The following POU2AF3 variants were observed in gnomAD, a reference collection of about 807,000 sequenced individuals.
The protein encoded by POU2AF3 is POU class 2 homeobox associating factor 3.
At chr11:111,298,827 C>CCCGCG in the POU2AF3 span, 2 of 631,568 alleles carry the variant, frequency 3.2e-6, no homozygotes, top group Non-Finnish European at 4.5e-6. Context: ...GTACCCCAGG[C>CCCGCG]CCCCGCCCGC....
the POU2AF3 span, chr11:111,308,168 T>C: frequency 6.4e-7 from 1 of 1,551,610 alleles, no homozygotes; most frequent in Admixed American, 2.0e-5. Context: ...GAATTACAAT[T>C]CCCCTGCTTC....
the POU2AF3 span, chr11:111,298,827 C>CCGGGGCG: frequency 3.2e-6 from 2 of 631,568 alleles, no homozygotes; most frequent in African/African-American, 1.9e-5. Context: ...GTACCCCAGG[C>CCGGGGCG]CCCCGCCCGC....
the POU2AF3 span, chr11:111,298,826 G>GCGGGCCC: frequency 1.3e-6 from 1 of 790,962 alleles, no homozygotes; most frequent in Non-Finnish European, 1.7e-6. Context: ...CGTACCCCAG[G>GCGGGCCC]CCCCCGCCCG....
chr11:111,298,826 G>GCGGGGGGGGGGC, the POU2AF3 span: 31 of 790,960 alleles, frequency 3.9e-5, no homozygotes, highest in Non-Finnish European at 4.9e-5. Context: ...CGTACCCCAG[G>GCGGGGGGGGGGC]CCCCCGCCCG....
chr11:111,303,557 G>C, the POU2AF3 span, among the ~76,000 whole-genome samples: 1,058 of 152,224 alleles, frequency 7.0e-3, 9 homozygotes, highest in African/African-American at 0.024. Context: ...GCCAATCCGG[G>C]GGAGGAATGG....
At chr11:111,299,972 A>G in the POU2AF3 span, 1 of 399,520 alleles carries the variant, frequency 2.5e-6, no homozygotes, top group South Asian at 1.3e-4. Context: ...TTCCAGACCA[A>G]GGGCACGCAG....
At chr11:111,298,818 T>C in the POU2AF3 span, 1 of 1,116,318 alleles carries the variant, frequency 9.0e-7, no homozygotes, top group African/African-American at 1.6e-5. Context: ...GACGTCCGCG[T>C]ACCCCAGGCC....
chr11:111,303,735 G>C, the POU2AF3 span, among the ~76,000 whole-genome samples: 1 of 152,168 alleles, frequency 6.6e-6, no homozygotes, highest in East Asian at 1.9e-4. Context: ...ACTGCCTCCT[G>C]TTTCAGCAGT....
At chr11:111,308,452 A>T in the POU2AF3 span, 4 of 1,531,794 alleles carry the variant, frequency 2.6e-6, no homozygotes, top group South Asian at 5.0e-5. Flanking sequence ...AATTACAGTA[A>T]TTCAGAACAT....
At chr11:111,302,379 A>T in the POU2AF3 span, among the ~76,000 whole-genome samples, 4 of 152,202 alleles carry the variant, frequency 2.6e-5, no homozygotes, top group South Asian at 6.2e-4. Context: ...GGAGAAAAAC[A>T]TCATCAAGAC....
At chr11:111,303,338 T>A in the POU2AF3 span, among the ~76,000 whole-genome samples, 6 of 152,254 alleles carry the variant, frequency 3.9e-5, no homozygotes, top group African/African-American at 1.4e-4. Flanking sequence ...TTTCTTTTTT[T>A]AAATCATTAA....
chr11:111,303,098 A>ATG, the POU2AF3 span, among the ~76,000 whole-genome samples: 1 of 152,252 alleles, frequency 6.6e-6, no homozygotes, highest in Non-Finnish European at 1.5e-5. Flanking sequence ...GCAATCACGA[A>ATG]TGGAAGTTAT....
chr11:111,298,843 C>CCCCCAG, the POU2AF3 span: 1 of 1,187,162 alleles, frequency 8.4e-7, no homozygotes, highest in Non-Finnish European at 1.0e-6. Flanking sequence ...CCCGCCCTCC[C>CCCCCAG]ACGTATCCAC....
At chr11:111,298,833 C>G in the POU2AF3 span, 4 of 538,460 alleles carry the variant, frequency 7.4e-6, no homozygotes, top group Non-Finnish European at 1.1e-5. Flanking sequence ...CAGGCCCCCG[C>G]CCGCCCTCCC....
the POU2AF3 span, chr11:111,298,826 G>GGGGGGGGCGCC: frequency 1.3e-6 from 1 of 790,962 alleles, no homozygotes. Context: ...CGTACCCCAG[G>GGGGGGGGCGCC]CCCCCGCCCG....
At chr11:111,302,507 A>G in the POU2AF3 span, among the ~76,000 whole-genome samples, 2 of 152,202 alleles carry the variant, frequency 1.3e-5, no homozygotes, top group Non-Finnish European at 2.9e-5. Flanking sequence ...GGGCCCTTAC[A>G]GATGGGTGTG....
At chr11:111,308,604 C>A in the POU2AF3 span, 1 of 607,530 alleles carries the variant, frequency 1.6e-6, no homozygotes, top group Non-Finnish European at 2.6e-6. Context: ...TCCTCAGACC[C>A]GGTCACAGCG....
chr11:111,298,827 C>CGGGGGGCG, the POU2AF3 span: 27 of 631,550 alleles, frequency 4.3e-5, no homozygotes, highest in Non-Finnish European at 5.6e-5. Flanking sequence ...GTACCCCAGG[C>CGGGGGGCG]CCCCGCCCGC....
At chr11:111,308,680 G>T in the POU2AF3 span, 1 of 339,408 alleles carries the variant, frequency 2.9e-6, no homozygotes, top group Non-Finnish European at 5.3e-6. Flanking sequence ...TTTACTTTTT[G>T]TATAACGAAC....
Sources: allele counts gnomAD v4.1 joint callset (sites outside exome capture counted in the v4.1 genomes callset), GRCh38; gene constraint gnomAD v4.1.1; transcripts MANE v1.5; gene names NCBI Gene and HGNC (gene_info 2026-07-23, HGNC 2026-07-21).